Variants in FBXO11 observed in about 807,000 individuals in gnomAD.
FBXO11 encodes F-box only protein 11.
A neutral mutation model predicts 117.0 loss-of-function variants in FBXO11; 13 were observed. The observed-to-expected ratio is 0.11, with a 90% CI of 0.07 to 0.18. The LOEUF is 0.18. FBXO11 is among the 10% of genes least tolerant of loss of function. FBXO11 has a pLI of 1.00. For synonymous variants in FBXO11, 490 were observed against 380.5 expected, an observed-to-expected ratio of 1.29 and a Z score of -3.35; for missense variants, 767 against 1,164.4, an observed-to-expected ratio of 0.66 and a Z score of 4.97.
chr2:47,902,289 TA>T (rs1678355428), intron 1 of FBXO11, among the ~76,000 whole-genome samples: 1 of 152,142 alleles, frequency 6.6e-6, no homozygotes, highest in South Asian at 2.1e-4. Flanking sequence ...TTTAAGAAAT[TA>T]AAAAAGCTAA....
intron 4 of FBXO11, among the ~76,000 whole-genome samples, chr2:47,837,386 G>T (rs1006202060): frequency 6.6e-6 from 1 of 152,304 alleles, no homozygotes; most frequent in East Asian, 1.9e-4. Context: ...AAATAGCTGG[G>T]CATGGTGGGA....
At chr2:47,842,084 C>T (rs563640459) in intron 1 of FBXO11, among the ~76,000 whole-genome samples, 6 of 151,546 alleles carry the variant, frequency 4.0e-5, no homozygotes, top group African/African-American at 9.7e-5. Flanking sequence ...TGCGCGATCT[C>T]GGCTCACTGC....
intron 1 of FBXO11, among the ~76,000 whole-genome samples, chr2:47,902,352 T>TGAAC (rs1678360760): frequency 6.6e-6 from 1 of 152,164 alleles, no homozygotes; most frequent in African/African-American, 2.4e-5. Context: ...AGCTAACGAG[T>TGAAC]GAACACAATA....
chr2:47,842,958 CT>C (rs922075793), intron 1 of FBXO11, among the ~76,000 whole-genome samples: 7 of 151,840 alleles, frequency 4.6e-5, no homozygotes, highest in Admixed American at 1.3e-4. Context: ...TTAAAAACAA[CT>C]TTTTTTTGTA....
chr2:47,905,527 G>T lies in FBXO11; in HGVS notation c.194C>A (p.Pro65Gln). The T allele has an allele frequency of 4.0e-6, 5 of 1,235,662 alleles. No individual in the cohort carries two copies. The highest frequency in any genetic ancestry group is 4.0e-6 in the Non-Finnish European group (4 of 991,912). 76.5% of individuals were successfully genotyped at this position (1,235,662 alleles called of 1,614,324 possible). Residue 65 changes from proline to glutamine, a missense_variant, in exon 1 of 23, where the codon CCG becomes CAG. By Grantham distance (76) the Pro-to-Gln change is moderately conservative (BLOSUM62 -1). Transcript: ENST00000403359. The part of the protein sequence containing the change: ...QQPPPPPPPP[P>Q]PLPQERNNVG... ...GTTGTTCCGCTCCTGAGGCAGCGGC[G>T]GAGGCGGCGGTGGCGGCGGCGGAGG... is the stretch of plus-strand genomic sequence containing the variant.
At chr2:47,851,113 C>G (rs1673823941) in intron 1 of FBXO11, among the ~76,000 whole-genome samples, 1 of 152,118 alleles carries the variant, frequency 6.6e-6, no homozygotes, top group African/African-American at 2.4e-5. Flanking sequence ...CCAGAGTTAT[C>G]AAATATATCA....
In FBXO11 at chr2:47,839,574, A is replaced by C; in HGVS notation, c.360+68T>G. 4 of 1,602,076 alleles carry C rather than the reference A, an allele frequency of 2.5e-6. No homozygotes were observed. The South Asian group carries it at 4.5e-5, about 18-fold the overall frequency. On this transcript the variant is annotated intron_variant, in intron 2 of 22. Transcript: ENST00000403359. ...TAATCATTACTTCTAAAAAAGGATG[A>C]CATTCCCTTTTTTGTTTCTTGAAAA...
At chr2:47,865,724 G>A (rs1675145331) in intron 1 of FBXO11, 1 of 152,096 alleles carries the variant, frequency 6.6e-6, no homozygotes, top group South Asian at 2.1e-4. Context: ...TTAAGACACT[G>A]GTGGAAACAA....
chr2:47,856,758 A>C lies in FBXO11; in HGVS notation c.233-16989T>G, dbSNP rs57484209. ...CAACCTACATATAAATCAATGAAGAAAACTTCACTAACAATAGGATAATTA... is the reference window on the plus strand; with the variant it reads ...CAACCTACATATAAATCAATGAAGACAACTTCACTAACAATAGGATAATTA... On this transcript the variant is annotated intron_variant, in intron 1 of 22. Coordinates refer to ENST00000403359, the MANE Select transcript of FBXO11 (RefSeq NM_001190274.2). Among the ~76,000 whole-genome samples, 10 of 152,340 alleles carry C rather than the reference A, an allele frequency of 6.6e-5. No homozygotes were observed. The East Asian group carries it at 1.7e-3, about 26-fold the overall frequency.
In FBXO11 at chr2:47,839,482, T is replaced by C. The variant is rs587778349; in HGVS notation, c.379A>G (p.Thr127Ala). The C allele has an allele frequency of 3.0e-5, 49 of 1,613,910 alleles. No homozygotes were observed. The highest frequency in any genetic ancestry group is 4.0e-5 in the Non-Finnish European group (47 of 1,180,010). ...NSMEGASTST[T>A]ENFGHRAKRA... ...TTTGCACGATGACCAAAGTTTTCTGTAGTTGAAGTTGAGGCGCCCTTCAAA... is the reference window on the plus strand; with the variant it reads ...TTTGCACGATGACCAAAGTTTTCTGCAGTTGAAGTTGAGGCGCCCTTCAAA... The change falls in exon 3 of 23, where the codon ACA becomes GCA. Residue 127 changes from threonine (T) to alanine (A), a missense_variant. This residue lies in a region of FBXO11 where 355 missense variants were observed against 299.8 expected (regional missense o/e 1.18). Coordinates refer to ENST00000403359, the MANE Select transcript of FBXO11 (RefSeq NM_001190274.2).
chr2:47,902,331 C>A (rs993041537), intron 1 of FBXO11, among the ~76,000 whole-genome samples: 1 of 152,216 alleles, frequency 6.6e-6, no homozygotes, highest in Non-Finnish European at 1.5e-5. Flanking sequence ...CTTAGGATAG[C>A]TGATCATTTC....
At chr2:47,857,073 C>G (rs1674353822) in intron 1 of FBXO11, among the ~76,000 whole-genome samples, 2 of 152,162 alleles carry the variant, frequency 1.3e-5, no homozygotes, top group Admixed American at 1.3e-4. Flanking sequence ...CACAGAAACT[C>G]ATCTACTTTA....
At chr2:47,851,389 C>T (rs111432464) in intron 1 of FBXO11, among the ~76,000 whole-genome samples, 8 of 151,812 alleles carry the variant, frequency 5.3e-5, no homozygotes, top group African/African-American at 1.5e-4. Context: ...TTTTACCACG[C>T]GTGGCTAATT....
chr2:47,809,734 A>C, intron 19 of FBXO11, 27 bp from the exon 20 acceptor site: 1 of 1,459,396 alleles, frequency 6.9e-7, no homozygotes, highest in Non-Finnish European at 9.6e-7. Flanking sequence ...AAACAAGTAG[A>C]TACATCACTT....
At chr2:47,899,597 C>T (rs765827352) in intron 1 of FBXO11, among the ~76,000 whole-genome samples, 6 of 152,096 alleles carry the variant, frequency 3.9e-5, no homozygotes, top group Non-Finnish European at 7.4e-5. Flanking sequence ...GGATTAGAAC[C>T]CATATCTAGC....
intron 1 of FBXO11, among the ~76,000 whole-genome samples, chr2:47,882,808 C>T (rs547674589): frequency 6.6e-6 from 1 of 152,276 alleles, no homozygotes; most frequent in South Asian, 2.1e-4. Context: ...TAAGCCACCA[C>T]ACCCGGCTAA....
intron 1 of FBXO11, among the ~76,000 whole-genome samples, chr2:47,840,749 T>C (rs1476200251): frequency 6.6e-6 from 1 of 151,440 alleles, no homozygotes; most frequent in Non-Finnish European, 1.5e-5. Flanking sequence ...CAGTGAGCTA[T>C]GATCACACAT....
rs759380717 is a variant in FBXO11 at position 47,832,809 on chromosome 2, G to A, written c.1113C>T (p.Ser371=). ...HHCLEITVNC[S]PIIDHCIIRS... is the part of the protein sequence containing the mutation. ...GGATGATACAGTGATCAATAATAGG[G>A]CTACAATTTACTGTAATCTCTAAGC... is the stretch of plus-strand genomic sequence containing the variant. Residue 371 remains serine (S), a synonymous_variant, in exon 9 of 23, where the codon AGC becomes AGT. Transcript: ENST00000403359. 1 of 1,613,772 alleles carries A rather than the reference G, an allele frequency of 6.2e-7. No individual in the cohort carries two copies. Among genetic ancestry groups the A allele is most frequent in the East Asian group, 2.2e-5 (1 of 44,856 alleles).
At chr2:47,821,577 T>C (rs1197740498) in intron 13 of FBXO11, among the ~76,000 whole-genome samples, 1 of 147,100 alleles carries the variant, frequency 6.8e-6, no homozygotes, top group Admixed American at 6.9e-5. Flanking sequence ...GCCACTGCAC[T>C]CCAGCCTGGG....
Sources: allele counts gnomAD v4.1 joint callset (sites outside exome capture counted in the v4.1 genomes callset), GRCh38; gene constraint gnomAD v4.1.1; regional missense constraint gnomAD v4.1.1; transcripts MANE v1.5; gene names NCBI Gene and HGNC (gene_info 2026-07-23, HGNC 2026-07-21).